KCTD9: variants seen among roughly 807,000 people sequenced by gnomAD.
KCTD9 encodes BTB/POZ domain-containing protein KCTD9.
A neutral mutation model predicts 53.3 loss-of-function variants in KCTD9; 17 were observed. The ratio of observed to expected loss-of-function variants is 0.32; its 90% confidence interval spans 0.22 to 0.48. KCTD9 has a LOEUF of 0.48. KCTD9 is among the 20% of genes least tolerant of loss of function. KCTD9 has a pLI of 0.99. For missense variants in KCTD9, 179 were observed against 465.5 expected (o/e 0.38, Z 5.66); for synonymous variants, 128 against 162.7 (o/e 0.79, Z 1.62).
chr8:25,455,268 A>C (rs924199272), intron 1 of KCTD9, among the ~76,000 whole-genome samples: 1 of 151,820 alleles, frequency 6.6e-6, no homozygotes, highest in African/African-American at 2.4e-5. Context: ...ATAAAAGTAA[A>C]AAACAAACAA....
chr8:25,432,509 A>C lies in KCTD9; in HGVS notation c.1048T>G (p.Leu350Val). 1 of 1,611,622 alleles carries C rather than the reference A, an allele frequency of 6.2e-7. No individual in the cohort carries two copies. The highest frequency in any genetic ancestry group is 8.5e-7 in the Non-Finnish European group (1 of 1,179,504). The stretch of plus-strand genomic sequence containing the variant: ...TAAAGTGTTGGTGAACTCACCTCTA[A>C]ATCAGTTCCTGCCAGAGTTGCTCCT... ...LRGATLAGTDLENCDLSGCDL... is the reference protein window; with the variant it reads ...LRGATLAGTDVENCDLSGCDL... The change falls in exon 11 of 12, where the codon TTA becomes GTA. Residue 350 changes from leucine (L) to valine (V), a missense_variant. By Grantham distance (32) the Leu-to-Val change is conservative. Around this residue, in one of 4 missense-constraint regions of KCTD9, gnomAD observed 30 missense variants for 133.2 expected, o/e 0.23. Coordinates refer to ENST00000221200, the MANE Select transcript of KCTD9 (RefSeq NM_017634.4).
At chr8:25,453,124 C>T (rs563046532) in intron 1 of KCTD9, among the ~76,000 whole-genome samples, 14 of 151,960 alleles carry the variant, frequency 9.2e-5, no homozygotes, top group Non-Finnish European at 1.2e-4. Flanking sequence ...GTACTTTGGG[C>T]GGCTGAGGCG....
chr8:25,436,328 A>T lies in KCTD9; in HGVS notation c.570T>A (p.Asn190Lys), dbSNP rs1802017229. The T allele has an allele frequency of 1.9e-6, 3 of 1,611,482 alleles. No homozygotes were observed. Among genetic ancestry groups the T allele is most frequent in the Non-Finnish European group, 2.5e-6 (3 of 1,178,086 alleles). ...GTGAATGATCCTCCGGTGGTTGAGA[A>T]TTCTTAAAAAAGACATTAAGAAATT... ...LIEHLEVAIK[N>K]SQPPEDHSPI... The change falls in exon 8 of 12, where the codon AAT becomes AAA. Residue 190 changes from asparagine (N) to lysine (K), a missense_variant and splice_region_variant. Asn to Lys is a moderately conservative substitution (Grantham distance 94). Coordinates refer to ENST00000221200, the MANE Select transcript of KCTD9 (RefSeq NM_017634.4).
At chr8:25,440,934 G>T (rs1356996322) in intron 3 of KCTD9, among the ~76,000 whole-genome samples, 1 of 152,164 alleles carries the variant, frequency 6.6e-6, no homozygotes, top group East Asian at 1.9e-4. Flanking sequence ...GGTATATGAT[G>T]AACCCATGAA....
chr8:25,439,227 T>TA (rs61100218), intron 6 of KCTD9, 52 bp downstream of exon 6: 510,666 of 1,406,038 alleles, frequency 0.36, 94,955 homozygotes, highest in African/African-American at 0.51. Context: ...ATCTTAAACT[T>TA]ACAAAAATGT....
intron 3 of KCTD9, among the ~76,000 whole-genome samples, chr8:25,441,218 T>C (rs1040597775): frequency 2.0e-5 from 3 of 148,894 alleles, no homozygotes; most frequent in Non-Finnish European, 4.4e-5. Flanking sequence ...AGAGGTTTAA[T>C]AGACCAGAAT....
chr8:25,455,058 C>G (rs11782643), intron 1 of KCTD9, among the ~76,000 whole-genome samples: 46,172 of 151,776 alleles, frequency 0.3, 7,067 homozygotes, highest in East Asian at 0.32. Flanking sequence ...AAAACCGTCT[C>G]TACTAAAAAT....
intron 3 of KCTD9, among the ~76,000 whole-genome samples, chr8:25,441,704 T>C (rs1802125724): frequency 6.6e-6 from 1 of 151,686 alleles, no homozygotes; most frequent in Non-Finnish European, 1.5e-5. Flanking sequence ...GCTTGAAAAA[T>C]TAAAAAGAAA....
At chr8:25,431,074 G>A (rs375215784) in intron 11 of KCTD9, among the ~76,000 whole-genome samples, 1 of 151,892 alleles carries the variant, frequency 6.6e-6, no homozygotes, top group East Asian at 1.9e-4. Context: ...CAAGTGATTC[G>A]CCCACCTTGG....
At chr8:25,449,197 G>A (rs1563249727) in intron 1 of KCTD9, among the ~76,000 whole-genome samples, 1 of 152,178 alleles carries the variant, frequency 6.6e-6, no homozygotes. Flanking sequence ...GCAGTCAGAA[G>A]GTGCTGTGAA....
At chr8:25,448,032 A>G (rs1004650729) in intron 1 of KCTD9, among the ~76,000 whole-genome samples, 11 of 151,996 alleles carry the variant, frequency 7.2e-5, no homozygotes, top group Admixed American at 5.9e-4. Flanking sequence ...GGAGGCCGAG[A>G]TGGGAGGATC....
chr8:25,444,435 A>G lies in KCTD9; in HGVS notation c.171-100T>C, dbSNP rs551117376. On this transcript the variant is annotated intron_variant, in intron 2 of 11. Coordinates refer to ENST00000221200, the MANE Select transcript of KCTD9 (RefSeq NM_017634.4). ...TATTCCTTACAATTATATAGACAAT[A>G]GGTTTTGCTATCAATCTAGACTGCA... The G allele has an allele frequency of 1.7e-5, 19 of 1,118,024 alleles. No individual in the cohort carries two copies. In the South Asian group the frequency reaches 2.5e-4, roughly 15 times the overall value. The allele number at this position is 1,118,024 out of a possible 1,614,324, so 69.3% of individuals were successfully genotyped here.
intron 1 of KCTD9, among the ~76,000 whole-genome samples, chr8:25,449,048 T>C (rs1802269678): frequency 1.3e-5 from 2 of 152,136 alleles, no homozygotes; most frequent in Admixed American, 1.3e-4. Flanking sequence ...CGAAGCGAAA[T>C]ACAGTACCTA....
intron 1 of KCTD9, chr8:25,450,379 C>G (rs1031368756): frequency 2.6e-5 from 26 of 985,068 alleles, no homozygotes; most frequent in Non-Finnish European, 3.0e-5. Flanking sequence ...TGGTACATTA[C>G]CTGGCTTACA....
At chr8:25,438,904 T>G (rs530454281) in intron 6 of KCTD9, among the ~76,000 whole-genome samples, 147 of 152,348 alleles carry the variant, frequency 9.6e-4, no homozygotes, top group African/African-American at 3.2e-3. Flanking sequence ...TCTCACATAA[T>G]GTGGGGAATA....
chr8:25,433,554 C>CA (rs1267811087), intron 9 of KCTD9, 119 bp from the exon 10 acceptor site: 1 of 452,138 alleles, frequency 2.2e-6, no homozygotes, highest in African/African-American at 2.0e-5. Flanking sequence ...CACTCATACT[C>CA]AATTTTATTT....
chr8:25,449,141 TGCAAAGGA>T (rs1342384433), intron 1 of KCTD9, among the ~76,000 whole-genome samples: 4 of 152,100 alleles, frequency 2.6e-5, no homozygotes, highest in Non-Finnish European at 4.4e-5. Flanking sequence ...GAAGCAAACA[TGCAAAGGA>T]GCAAGAGATT....
At chr8:25,442,874 G>A (rs796702122) in intron 3 of KCTD9, among the ~76,000 whole-genome samples, 22 of 152,250 alleles carry the variant, frequency 1.4e-4, no homozygotes, top group African/African-American at 5.3e-4. Context: ...GATGTGTTCT[G>A]TATGGGGTAA....
intron 1 of KCTD9, among the ~76,000 whole-genome samples, chr8:25,452,847 T>C (rs911997654): frequency 5.3e-5 from 8 of 152,126 alleles, no homozygotes; most frequent in African/African-American, 1.9e-4. Flanking sequence ...GATATTATGG[T>C]TGGAAGAGAA....
Sources: gnomAD v4.1 joint callset for allele counts (sites outside exome capture counted in the v4.1 genomes callset) on GRCh38, gnomAD v4.1.1 for gene constraint, gnomAD v4.1.1 regional missense constraint, MANE v1.5 for transcripts, NCBI Gene and HGNC (gene_info 2026-07-23, HGNC 2026-07-21) for gene names.